Variants in NR5A1 observed in about 807,000 individuals in gnomAD.
NR5A1 encodes nuclear receptor subfamily 5 group A member 1.
NR5A1 carries 6 observed loss-of-function variants against 42.7 expected under a neutral mutation model. The observed-to-expected ratio is 0.14, with a 90% CI of 0.08 to 0.28. NR5A1 has a LOEUF of 0.28. Among genes scored for constraint, NR5A1 ranks in the 10% least tolerant of loss-of-function variants. The probability of loss-of-function intolerance (pLI) is 1.00; values close to 1 mark genes in which losing one functional copy is unlikely to be tolerated. For missense variants in NR5A1, 442 were observed against 626.4 expected (o/e 0.71, Z 3.14); for synonymous variants, 274 against 277.5 (o/e 0.99, Z 0.12).
Position 124,482,359 on chromosome 9 carries a change from C to A in NR5A1, c.*399G>T, listed in dbSNP as rs1181365185. 3.2e-6 allele frequency: 1 copy of A among 317,226 alleles called. No homozygotes were observed. The highest frequency in any genetic ancestry group is 6.2e-6 in the Non-Finnish European group (1 of 161,736). The allele number at this position is 317,226 out of a possible 1,614,324, so 19.7% of individuals were successfully genotyped here. On this transcript the variant is annotated 3_prime_UTR_variant, in exon 7 of 7. Transcript: ENST00000373588. ...CTGCTCAACTTCTCCCTGTCTGTTTCCAGGAGAGGAGGAAGGGATGACCTC... is the reference window on the plus strand; with the variant it reads ...CTGCTCAACTTCTCCCTGTCTGTTTACAGGAGAGGAGGAAGGGATGACCTC...
intron 6 of NR5A1, among the ~76,000 whole-genome samples, chr9:124,484,755 A>G (rs2131270885): frequency 2.6e-5 from 1 of 38,816 alleles, no homozygotes. Flanking sequence ...CTCTGTCTCT[A>G]AATAAATAAA....
intron 6 of NR5A1, 52 bp downstream of exon 6, chr9:124,491,029 A>ACCCCCCCCC: frequency 1.1e-5 from 4 of 349,874 alleles, no homozygotes; most frequent in South Asian, 2.3e-5. Flanking sequence ...CCACCCTCCC[A>ACCCCCCCCC]CCCACCCGCC....
intron 5 of NR5A1, among the ~76,000 whole-genome samples, chr9:124,492,014 C>A (rs1196138410): frequency 6.6e-6 from 1 of 152,178 alleles, no homozygotes; most frequent in Non-Finnish European, 1.5e-5. Context: ...AAGACACCCC[C>A]CTGGGACCAG....
At chr9:124,485,238 C>T (rs1832189903) in intron 6 of NR5A1, among the ~76,000 whole-genome samples, 1 of 152,156 alleles carries the variant, frequency 6.6e-6, no homozygotes, top group Non-Finnish European at 1.5e-5. Context: ...TCTAGCCTGG[C>T]CTTGCCTGGG....
chr9:124,503,013 C>G lies in NR5A1; in HGVS notation c.244+66G>C. 1.3e-6 allele frequency: 2 copies of G among 1,524,706 alleles called. No homozygotes were observed. The highest frequency in any genetic ancestry group is 4.0e-5 in the Admixed American group (2 of 50,042). 94.4% of individuals were successfully genotyped at this position (1,524,706 alleles called of 1,614,324 possible). A position where few individuals can be genotyped will look rare whatever the true frequency, so the allele number is the denominator to read the frequency against. On this transcript the variant is annotated intron_variant, in intron 3 of 6. Transcript: ENST00000373588. The surrounding 1 kb of genome is among the most constrained non-coding windows in gnomAD (Gnocchi z 9.6). The stretch of plus-strand genomic sequence containing the variant: ...ATGGTACTATCCCCTCAGCCCCTCT[C>G]CCACCCCCACCCCCTACCCCCTCAG...
chr9:124,486,166 T>C (rs1013988240), intron 6 of NR5A1, among the ~76,000 whole-genome samples: 3 of 152,080 alleles, frequency 2.0e-5, no homozygotes, highest in African/African-American at 7.2e-5. Flanking sequence ...CCAGCAGTTC[T>C]ATGGCTTCCC....
chr9:124,485,488 C>G (rs1007220579), intron 6 of NR5A1, among the ~76,000 whole-genome samples: 1 of 152,172 alleles, frequency 6.6e-6, no homozygotes, highest in Non-Finnish European at 1.5e-5. Flanking sequence ...GAAACCGGAG[C>G]TGGGCCCGGG....
At chr9:124,494,466 C>T (rs992989187) in intron 4 of NR5A1, among the ~76,000 whole-genome samples, 3 of 152,206 alleles carry the variant, frequency 2.0e-5, no homozygotes, top group African/African-American at 4.8e-5. Context: ...TTCCTCGAGG[C>T]CCTCTCCACC....
At chr9:124,483,257 C>T (rs1374262660) in intron 6 of NR5A1, among the ~76,000 whole-genome samples, 1 of 152,236 alleles carries the variant, frequency 6.6e-6, no homozygotes, top group Non-Finnish European at 1.5e-5. Context: ...AACATGGCCA[C>T]CGCCACCATC....
rs1026756668 is a variant in NR5A1, at chr9:124,482,812, G to A, written c.1332C>T (p.Asn444=). 3 of 1,610,556 alleles carry A rather than the reference G, an allele frequency of 1.9e-6. No homozygotes were observed. Among genetic ancestry groups the A allele is most frequent in the Admixed American group, 1.7e-5 (1 of 59,250 alleles). The change falls in exon 7 of 7, where the codon AAC becomes AAT. Residue 444 remains asparagine, a synonymous_variant. Coordinates refer to ENST00000373588, the MANE Select transcript of NR5A1 (RefSeq NM_004959.5). ...TGAGCAGGTTGTTGCGGGGCATCTC[G>A]TTGCCCAGGTGCTTGTGGTACAGGT... ...KEYLYHKHLG[N]EMPRNNLLIE... is the part of the protein sequence containing the mutation.
At chr9:124,504,151 G>A (rs747287354) in intron 1 of NR5A1, among the ~76,000 whole-genome samples, 5 of 151,762 alleles carry the variant, frequency 3.3e-5, no homozygotes, top group Non-Finnish European at 7.4e-5. Context: ...AGAGACTGAC[G>A]CAGAGCCAGA....
chr9:124,482,522 C>A lies in NR5A1; in HGVS notation c.*236G>T, dbSNP rs930127350. 1.7e-6 allele frequency: 1 copy of A among 583,512 alleles called. No homozygotes were observed. Among genetic ancestry groups the A allele is most frequent in the Middle Eastern group, 4.7e-4 (1 of 2,148 alleles). 36.1% of individuals were successfully genotyped at this position (583,512 alleles called of 1,614,324 possible). Reference sequence around the variant, plus strand: ...TTAACAGCCACCTCCTTGGGGCACTCCAAGCAGCAGGCAAGTGCCAGTGGC... The same window carrying A: ...TTAACAGCCACCTCCTTGGGGCACTACAAGCAGCAGGCAAGTGCCAGTGGC... On this transcript the variant is annotated 3_prime_UTR_variant, in exon 7 of 7. Coordinates refer to ENST00000373588, the MANE Select transcript of NR5A1 (RefSeq NM_004959.5).
At chr9:124,505,152 G>A (rs920521631) in intron 1 of NR5A1, among the ~76,000 whole-genome samples, 17 of 152,184 alleles carry the variant, frequency 1.1e-4, no homozygotes, top group African/African-American at 3.9e-4. Flanking sequence ...CCGCAGCCCG[G>A]CTCCCCGGAC....
intron 1 of NR5A1, among the ~76,000 whole-genome samples, chr9:124,505,022 C>T (rs1483324270): frequency 1.3e-5 from 2 of 151,950 alleles, no homozygotes; most frequent in African/African-American, 4.8e-5. Context: ...CCCTCTATAT[C>T]GGCGCGTGCG....
Position 124,482,390 on chromosome 9 carries a change from C to A in NR5A1, c.*368G>T. 1 of 358,736 alleles carries A rather than the reference C, an allele frequency of 2.8e-6. No individual in the cohort carries two copies. 22.2% of individuals were successfully genotyped at this position (358,736 alleles called of 1,614,324 possible). ...GAGGAGGAAGGGATGACCTCTGATC[C>A]AAGGGACGTCGAGGCCCACCAGGGA... On this transcript the variant is annotated 3_prime_UTR_variant, in exon 7 of 7. Coordinates refer to ENST00000373588, the MANE Select transcript of NR5A1 (RefSeq NM_004959.5).
At chr9:124,483,100 C>A in intron 6 of NR5A1, 95 bp from the exon 7 acceptor site, 1 of 1,601,580 alleles carries the variant, frequency 6.2e-7, no homozygotes, top group Non-Finnish European at 8.5e-7. Flanking sequence ...ACCACCTTCC[C>A]TATGACCATC....
chr9:124,507,398 C>G lies in NR5A1; in HGVS notation c.-165G>C, dbSNP rs996795164. ...CGGCGGGCGGCAGCCGGACAGCAGGCTGGCCCTGTCCGTCCGTCCTCCTCC... is the reference window on the plus strand; with the variant it reads ...CGGCGGGCGGCAGCCGGACAGCAGGGTGGCCCTGTCCGTCCGTCCTCCTCC... On this transcript the variant is annotated 5_prime_UTR_variant, in exon 1 of 7. Coordinates refer to ENST00000373588, the MANE Select transcript of NR5A1 (RefSeq NM_004959.5). 6.6e-6 allele frequency: 1 copy of G among 152,238 alleles called. No homozygotes were observed. The highest frequency in any genetic ancestry group is 1.5e-5 in the Non-Finnish European group (1 of 68,056). 9.4% of individuals were successfully genotyped at this position (152,238 alleles called of 1,614,324 possible). A position where few individuals can be genotyped will look rare whatever the true frequency, so the allele number is the denominator to read the frequency against.
rs539405658 is a variant in NR5A1, at chr9:124,503,922, G to A, written c.-15-512C>T. 6.6e-6 allele frequency among the ~76,000 whole-genome samples: 1 copy of A among 152,058 alleles called. No individual in the cohort carries two copies. Among genetic ancestry groups the A allele is most frequent in the Non-Finnish European group, 1.5e-5 (1 of 68,018 alleles). On this transcript the variant is annotated intron_variant, in intron 1 of 6. Coordinates refer to ENST00000373588, the MANE Select transcript of NR5A1 (RefSeq NM_004959.5). The surrounding 1 kb of genome is among the most constrained non-coding windows in gnomAD (Gnocchi z 9.6). ...GACCGACGCCACCGGGCGCAGACACGAGGCCAGTCCGAGAGTGCCAGAGAC... is the reference window on the plus strand; with the variant it reads ...GACCGACGCCACCGGGCGCAGACACAAGGCCAGTCCGAGAGTGCCAGAGAC...
intron 4 of NR5A1, among the ~76,000 whole-genome samples, chr9:124,495,189 T>TGCCCCCAGGCTCAGCCCTGA (rs1476962338): frequency 3.5e-4 from 53 of 152,346 alleles, no homozygotes; most frequent in Middle Eastern, 6.8e-3. Flanking sequence ...ATCAGCCGTG[T>TGCCCCCAGGCTCAGCCCTGA]GCCCCCAGGC....
Sources: allele counts gnomAD v4.1 joint callset (sites outside exome capture counted in the v4.1 genomes callset), GRCh38; gene constraint gnomAD v4.1.1; non-coding constraint Gnocchi (gnomAD v3.1); transcripts MANE v1.5; gene names NCBI Gene and HGNC (gene_info 2026-07-23, HGNC 2026-07-21).